Variants in ZNF341 observed in about 807,000 individuals in gnomAD.
ZNF341 encodes zinc finger protein 341.
A neutral mutation model predicts 87.7 loss-of-function variants in ZNF341; 52 were observed. The ratio of observed to expected loss-of-function variants is 0.59; its 90% CI spans 0.47 to 0.75. The LOEUF (loss-of-function observed/expected upper bound fraction) is 0.75, where lower values mean the gene tolerates loss of function less well. Among genes scored for constraint, ZNF341 ranks in the 30% least tolerant of loss-of-function variants. The probability of loss-of-function intolerance (pLI) is 0.00; values close to 1 mark genes in which losing one functional copy is unlikely to be tolerated. For synonymous variants in ZNF341, 459 were observed against 472.7 expected (o/e 0.97, Z 0.38); for missense variants, 977 against 1,145.9 (o/e 0.85, Z 2.13).
At chr20:33,764,543 GTATATA>G (rs1171402724) in intron 8 of ZNF341, among the ~76,000 whole-genome samples, 1 of 69,338 alleles carries the variant, frequency 1.4e-5, no homozygotes, top group Non-Finnish European at 2.4e-5. Flanking sequence ...GTGTGTATGT[GTATATA>G]TATATATATA....
chr20:33,763,471 G>A (rs1055732071), intron 8 of ZNF341, among the ~76,000 whole-genome samples: 4 of 152,018 alleles, frequency 2.6e-5, no homozygotes, highest in African/African-American at 7.2e-5. Context: ...GCTAATTTTC[G>A]TATTTTTAGT....
At chr20:33,771,746 T>G (rs901174289) in intron 10 of ZNF341, among the ~76,000 whole-genome samples, 1 of 151,460 alleles carries the variant, frequency 6.6e-6, no homozygotes, top group African/African-American at 2.4e-5. Context: ...CAGGGCACAG[T>G]GGCTCACGCC....
intron 10 of ZNF341, among the ~76,000 whole-genome samples, chr20:33,773,227 C>A (rs547637749): frequency 2.9e-4 from 44 of 152,276 alleles, no homozygotes; most frequent in African/African-American, 9.1e-4. Flanking sequence ...GTAACAACAT[C>A]AGCAGAGTTT....
At chr20:33,758,656 C>T (rs997564250) in intron 6 of ZNF341, 60 bp from the exon 7 acceptor site, 2 of 1,383,894 alleles carry the variant, frequency 1.4e-6, no homozygotes, top group African/African-American at 1.4e-5. Context: ...CAGAGGCTGC[C>T]CTTGGTGCCC....
rs141017307 is a variant in ZNF341, at chr20:33,749,062, C to G, written c.479C>G (p.Pro160Arg). Residue 160 changes from proline to arginine, a missense_variant, in exon 4 of 15, where the codon CCA becomes CGA. Pro to Arg is a moderately radical substitution (Grantham distance 103). Coordinates refer to ENST00000375200, the MANE Select transcript of ZNF341 (RefSeq NM_001282933.2). ...GACCAGCCCATGCCCCAGGGCCCCC[C>G]ACCTGTGCAGGTAAGAAGGTGTGGG... ...SLDQPMPQGPPPVQSSLNMHS... is the reference protein window; with the variant it reads ...SLDQPMPQGPRPVQSSLNMHS... 2.4e-5 allele frequency: 39 copies of G among 1,613,556 alleles called. No homozygotes were observed. Among genetic ancestry groups the G allele is most frequent in the South Asian group, 3.3e-5 (3 of 91,014 alleles).
intron 1 of ZNF341, among the ~76,000 whole-genome samples, chr20:33,733,886 C>G (rs903481266): frequency 6.6e-6 from 1 of 152,208 alleles, no homozygotes; most frequent in African/African-American, 2.4e-5. Flanking sequence ...AAGATGACCT[C>G]AGCTGGCCAT....
intron 1 of ZNF341, among the ~76,000 whole-genome samples, chr20:33,738,137 C>CA (rs35695162): frequency 0.12 from 14,639 of 118,120 alleles, 1,033 homozygotes; most frequent in Middle Eastern, 0.23. Context: ...AACTCCATCT[C>CA]AAAAAAAAAA....
chr20:33,762,816 G>A (rs2019325612), intron 8 of ZNF341, among the ~76,000 whole-genome samples: 2 of 152,080 alleles, frequency 1.3e-5, no homozygotes, highest in Admixed American at 6.6e-5. Flanking sequence ...TTAGCTTGCT[G>A]AGAATGATGG....
intron 8 of ZNF341, among the ~76,000 whole-genome samples, chr20:33,764,920 G>A (rs1288854855): frequency 3.3e-5 from 5 of 151,836 alleles, no homozygotes; most frequent in South Asian, 4.2e-4. Flanking sequence ...TCGAACTCCC[G>A]GACTCAAGTG....
intron 10 of ZNF341, among the ~76,000 whole-genome samples, chr20:33,775,031 T>C (rs1008244204): frequency 1.3e-5 from 2 of 152,198 alleles, no homozygotes; most frequent in Non-Finnish European, 2.9e-5. Context: ...ACAGCTACTT[T>C]GTATTCCATT....
intron 10 of ZNF341, among the ~76,000 whole-genome samples, chr20:33,780,298 A>G (rs2019714812): frequency 6.6e-6 from 1 of 152,074 alleles, no homozygotes; most frequent in African/African-American, 2.4e-5. Context: ...TGAGGTGGAG[A>G]AAGGAGAAGG....
At chr20:33,772,560 C>T (rs577420906) in intron 10 of ZNF341, among the ~76,000 whole-genome samples, 7 of 152,232 alleles carry the variant, frequency 4.6e-5, no homozygotes, top group Admixed American at 1.3e-4. Context: ...TATAGAGATA[C>T]CACAGGGGAG....
chr20:33,785,846 C>T (rs921001377), intron 12 of ZNF341, among the ~76,000 whole-genome samples: 13 of 151,984 alleles, frequency 8.6e-5, no homozygotes, highest in Non-Finnish European at 1.6e-4. Context: ...TTATCATATA[C>T]CTTGGCGATG....
chr20:33,751,559 TTTTG>T (rs145914417), intron 4 of ZNF341, among the ~76,000 whole-genome samples: 16 of 151,662 alleles, frequency 1.1e-4, no homozygotes, highest in African/African-American at 1.7e-4. Context: ...AAAGCCAGGG[TTTTG>T]TTTGTTTGTT....
Position 33,768,183 on chromosome 20 carries a change from C to G in ZNF341, c.1413+1142C>G, listed in dbSNP as rs552903297. Among the ~76,000 whole-genome samples the G allele has an allele frequency of 7.2e-5, 11 of 152,014 alleles. No homozygotes were observed. In the East Asian group the frequency reaches 2.1e-3, roughly 29 times the overall value. On this transcript the variant is annotated intron_variant, in intron 9 of 14. Transcript: ENST00000375200. Reference sequence around the variant, plus strand: ...TGTCGCCCAGGCTGGAGTGCAATGGCACGATCTCGGCTTACTGCAACCTCC... The same window carrying G: ...TGTCGCCCAGGCTGGAGTGCAATGGGACGATCTCGGCTTACTGCAACCTCC...
At chr20:33,749,248 G>C (rs1236314742) in intron 4 of ZNF341, among the ~76,000 whole-genome samples, 176 bp downstream of exon 4, 2 of 152,250 alleles carry the variant, frequency 1.3e-5, no homozygotes, top group Non-Finnish European at 2.9e-5. Flanking sequence ...GCTACGTCTA[G>C]GTGGGGACCC....
chr20:33,749,662 C>T (rs951099294), intron 4 of ZNF341, among the ~76,000 whole-genome samples: 3 of 151,880 alleles, frequency 2.0e-5, no homozygotes, highest in Non-Finnish European at 4.4e-5. Flanking sequence ...AAACTCCTGA[C>T]CTCAGGTGAT....
intron 2 of ZNF341, among the ~76,000 whole-genome samples, chr20:33,743,032 T>TC (rs201712743): frequency 0.021 from 3,011 of 140,684 alleles, 88 homozygotes; most frequent in African/African-American, 0.074. Context: ...TGTCTCTCTC[T>TC]TTTTTTTTTT....
At chr20:33,770,385 C>A in intron 10 of ZNF341, 93 bp downstream of exon 10, 1 of 1,253,148 alleles carries the variant, frequency 8.0e-7, no homozygotes, top group Non-Finnish European at 1.1e-6. Context: ...CTGCTTAGGA[C>A]CAGTGAGATA....
Sources: gnomAD v4.1 joint callset for allele counts (sites outside exome capture counted in the v4.1 genomes callset) on GRCh38, gnomAD v4.1.1 for gene constraint, MANE v1.5 for transcripts, NCBI Gene and HGNC (gene_info 2026-07-23, HGNC 2026-07-21) for gene names.